WDR4: variants seen among roughly 807,000 people sequenced by gnomAD.
WDR4 encodes the protein tRNA (guanine-N(7)-)-methyltransferase non-catalytic subunit WDR4.
In WDR4, 47 loss-of-function variants were observed where a neutral mutation model predicts 48.6. That is an observed-to-expected ratio of 0.97 (90% CI 0.77 to 1.23). WDR4 has a LOEUF of 1.23. Among genes scored for constraint, WDR4 ranks in the 50% most tolerant of loss-of-function variants. The pLI, the probability that WDR4 is intolerant of heterozygous loss-of-function variation, is 0.00. For missense variants in WDR4, 606 were observed against 551.6 expected (o/e 1.10, Z -0.99); for synonymous variants, 268 against 230.0 (o/e 1.17, Z -1.49).
chr21:42,847,456 G>C (rs2057720680), downstream of WDR4, among the ~76,000 whole-genome samples: 1 of 152,198 alleles, frequency 6.6e-6, no homozygotes, highest in Non-Finnish European at 1.5e-5. Flanking sequence ...TCTTGGCAGA[G>C]GGACCAACTC....
chr21:42,891,295 T>A, the WDR4 span, among the ~76,000 whole-genome samples: 1 of 150,394 alleles, frequency 6.6e-6, no homozygotes. Context: ...GCCACTGCAC[T>A]CTAGCCTGGG....
rs142626373 is a variant in WDR4, at chr21:42,855,685, G to A, written c.723C>T (p.Pro241=). 336 of 1,549,304 alleles carry A rather than the reference G, an allele frequency of 2.2e-4. 1 individual carries two copies. Among genetic ancestry groups the A allele is most frequent in the African/African-American group, 2.9e-4 (21 of 73,170 alleles). ...AGGAGTGAACAGAAGCAGCTACCTG[G>A]GGGGCCTGGGGGTCCACCAGCTCCT... is the stretch of plus-strand genomic sequence containing the variant. ...SLQELVDPQA[P]QKFAASRIAF... The change falls in exon 7 of 11, where the codon CCC becomes CCT. Residue 241 remains proline, a synonymous_variant. Coordinates refer to ENST00000398208, the MANE Select transcript of WDR4 (RefSeq NM_018669.6).
chr21:42,890,368 T>C, the WDR4 span, among the ~76,000 whole-genome samples: 1 of 152,042 alleles, frequency 6.6e-6, no homozygotes, highest in African/African-American at 2.4e-5. Flanking sequence ...ACCCTGTCTC[T>C]ACTAAAAATA....
rs543730315 is a variant in WDR4, at chr21:42,868,365, C to T, written c.297-4769G>A. 8.5e-5 allele frequency among the ~76,000 whole-genome samples: 13 copies of T among 152,338 alleles called. No homozygotes were observed. In the South Asian group the frequency reaches 2.7e-3, roughly 32 times the overall value. Reference sequence around the variant, plus strand: ...TAAGGTGACATTCCACCCACGTCTCCATCTTTCTGGCAACCTCAGAACTTC... The same window carrying T: ...TAAGGTGACATTCCACCCACGTCTCTATCTTTCTGGCAACCTCAGAACTTC... On this transcript the variant is annotated intron_variant, in intron 3 of 10. Coordinates refer to ENST00000398208, the MANE Select transcript of WDR4 (RefSeq NM_018669.6).
chr21:42,847,364 G>A (rs2057719844), downstream of WDR4, among the ~76,000 whole-genome samples: 3 of 152,280 alleles, frequency 2.0e-5, no homozygotes, highest in South Asian at 4.1e-4. Context: ...GGATGACTTC[G>A]GGCAGGTGAA....
intron 3 of WDR4, among the ~76,000 whole-genome samples, chr21:42,865,717 G>A (rs930447709): frequency 2.0e-5 from 3 of 151,786 alleles, no homozygotes; most frequent in Non-Finnish European, 4.4e-5. Flanking sequence ...GCACAACCCC[G>A]CCCGCCCTCC....
At chr21:42,872,507 A>G (rs1362529116) in intron 3 of WDR4, among the ~76,000 whole-genome samples, 1 of 150,690 alleles carries the variant, frequency 6.6e-6, no homozygotes, top group East Asian at 2.0e-4. Flanking sequence ...GCTACTCGAG[A>G]GGCTGAGATG....
chr21:42,845,213 TG>T (rs902155209), downstream of WDR4, among the ~76,000 whole-genome samples: 6 of 152,226 alleles, frequency 3.9e-5, no homozygotes, highest in Admixed American at 2.6e-4. Flanking sequence ...GAGACCACAG[TG>T]GAATTAAAAC....
At chr21:42,891,967 AT>A in the WDR4 span, among the ~76,000 whole-genome samples, 1 of 150,534 alleles carries the variant, frequency 6.6e-6, no homozygotes, top group African/African-American at 2.5e-5. Flanking sequence ...AAAAAAAAAA[AT>A]TTAGGCCAGG....
chr21:42,844,696 G>A (rs1311225592), downstream of WDR4, among the ~76,000 whole-genome samples: 2 of 152,222 alleles, frequency 1.3e-5, no homozygotes, highest in African/African-American at 4.8e-5. Flanking sequence ...GGGCAGGAGT[G>A]CCAGCGAGAC....
chr21:42,867,690 G>A (rs560843765), intron 3 of WDR4, among the ~76,000 whole-genome samples: 6 of 151,982 alleles, frequency 3.9e-5, no homozygotes, highest in African/African-American at 1.4e-4. Flanking sequence ...CAGATTAGGG[G>A]TACTTAAACT....
intron 1 of WDR4, among the ~76,000 whole-genome samples, chr21:42,878,801 G>C (rs2058559766): frequency 6.6e-6 from 1 of 152,236 alleles, no homozygotes; most frequent in South Asian, 2.1e-4. Flanking sequence ...GGCCACTAGG[G>C]AGGTGCGCAC....
chr21:42,864,437 A>G (rs1008143210), intron 3 of WDR4, among the ~76,000 whole-genome samples: 1 of 152,166 alleles, frequency 6.6e-6, no homozygotes, highest in African/African-American at 2.4e-5. Context: ...AGCCTCAGAC[A>G]GAGAGCCGTG....
chr21:42,867,504 C>T (rs868563477), intron 3 of WDR4, among the ~76,000 whole-genome samples: 3 of 152,054 alleles, frequency 2.0e-5, no homozygotes, highest in South Asian at 2.1e-4. Flanking sequence ...CCCAAATGCT[C>T]GGGACGAAAA....
chr21:42,880,416 A>G (rs1441854102), upstream of WDR4, among the ~76,000 whole-genome samples: 1 of 152,160 alleles, frequency 6.6e-6, no homozygotes, highest in Non-Finnish European at 1.5e-5. Flanking sequence ...CTCTTGATCC[A>G]GAGACTTACA....
At chr21:42,892,642 C>G in the WDR4 span, among the ~76,000 whole-genome samples, 3 of 152,204 alleles carry the variant, frequency 2.0e-5, no homozygotes, top group African/African-American at 7.2e-5. Flanking sequence ...GAGAAAGAAG[C>G]TAATAACTAA....
At chr21:42,874,243 C>A (rs2058436793) in intron 2 of WDR4, among the ~76,000 whole-genome samples, 1 of 152,216 alleles carries the variant, frequency 6.6e-6, no homozygotes, top group African/African-American at 2.4e-5. Flanking sequence ...GTGAAGATTT[C>A]ATAGACACTT....
intron 5 of WDR4, among the ~76,000 whole-genome samples, chr21:42,861,737 T>C (rs2058121129): frequency 6.6e-6 from 1 of 152,196 alleles, no homozygotes; most frequent in Non-Finnish European, 1.5e-5. Context: ...CCTCAAATAA[T>C]ATATTTTAAA....
chr21:42,881,374 A>G (rs2058609575), upstream of WDR4, among the ~76,000 whole-genome samples: 1 of 151,996 alleles, frequency 6.6e-6, no homozygotes, highest in Admixed American at 6.6e-5. Flanking sequence ...TTCAACCCAA[A>G]GTGTGCTCTA....
Sources: gnomAD v4.1 joint callset for allele counts (sites outside exome capture counted in the v4.1 genomes callset) on GRCh38, gnomAD v4.1.1 for gene constraint, MANE v1.5 for transcripts, NCBI Gene and HGNC (gene_info 2026-07-23, HGNC 2026-07-21) for gene names.